ENPP3: variants seen among roughly 807,000 people sequenced by gnomAD.
ENPP3 encodes the protein ectonucleotide pyrophosphatase/phosphodiesterase 3, also known as ectonucleotide pyrophosphatase/phosphodiesterase family member 3.
A neutral mutation model predicts 117.8 loss-of-function variants in ENPP3; 104 were observed. The ratio of observed to expected loss-of-function variants is 0.88; its 90% CI spans 0.75 to 1.04. ENPP3 has a LOEUF of 1.04. Ranked by LOEUF, ENPP3 falls within the 50% of genes least tolerant of loss-of-function variation. ENPP3 has a pLI of 0.00. For missense variants in ENPP3, 1,026 were observed against 1,051.9 expected (o/e 0.98, Z 0.34); for synonymous variants, 380 against 349.9 (o/e 1.09, Z -0.96).
intron 16 of ENPP3, 93 bp from the exon 17 acceptor site, chr6:131,720,199 G>C: frequency 4.3e-6 from 3 of 695,090 alleles, no homozygotes; most frequent in Non-Finnish European, 4.9e-6. Flanking sequence ...ACAAATAGGA[G>C]AGTAGTTACA....
At position 131,676,819 on chromosome 6, in the gene ENPP3, A is replaced by G; in HGVS notation, c.938+18A>G. 1 of 1,568,630 alleles carries G rather than the reference A, an allele frequency of 6.4e-7. No homozygotes were observed. Among genetic ancestry groups the G allele is most frequent in the Admixed American group, 1.7e-5 (1 of 59,898 alleles). ...GCTGAAAGGTAATGTCTAGTGTCAG[A>G]AAAGTGCTGGCATAGTGGCATATAT... On this transcript the variant is annotated intron_variant, in intron 10 of 24. Transcript: ENST00000357639.
At chr6:131,648,838 A>G (rs1778203306) in intron 2 of ENPP3, among the ~76,000 whole-genome samples, 1 of 152,204 alleles carries the variant, frequency 6.6e-6, no homozygotes, top group African/African-American at 2.4e-5. Context: ...CTCCTCGCAC[A>G]ATAAGAACTA....
Position 131,722,256 on chromosome 6 carries a change from A to T in ENPP3, c.1597A>T (p.Asn533Tyr), listed in dbSNP as rs762182320. The part of the protein sequence containing the change: ...DLLRIQPAPN[N>Y]GTHGSLNHLL... Reference sequence around the variant, plus strand: ...TCTACGCATTCAACCAGCACCAAACAATGGAACCCATGGTAGTTTAAACCA... The same window carrying T: ...TCTACGCATTCAACCAGCACCAAACTATGGAACCCATGGTAGTTTAAACCA... The change falls in exon 18 of 25, where the codon AAT (asparagine) becomes TAT (tyrosine). Residue 533 changes from asparagine to tyrosine, a missense_variant. Physicochemically the swap from Asn to Tyr is moderately radical, Grantham distance 143. Transcript: ENST00000357639. 4.3e-5 allele frequency: 69 copies of T among 1,613,746 alleles called. No homozygotes were observed. Among genetic ancestry groups the T allele is most frequent in the Non-Finnish European group, 6.8e-6 (8 of 1,179,880 alleles).
intron 15 of ENPP3, among the ~76,000 whole-genome samples, chr6:131,694,841 C>CA (rs10535185): frequency 0.011 from 1,074 of 97,488 alleles, 8 homozygotes; most frequent in South Asian, 0.03. Flanking sequence ...TTGATTCCAT[C>CA]AAAAAAAAAA....
rs993770502 is a variant in ENPP3, at chr6:131,677,298, A to G, written c.938+497A>G. The stretch of plus-strand genomic sequence containing the variant: ...TTTTGTTTTCGAAAATGTGGTTGAC[A>G]TTATTGAACAACAGAGATAGAGCCA... On this transcript the variant is annotated intron_variant, in intron 10 of 24. Transcript: ENST00000357639. 2.0e-5 allele frequency among the ~76,000 whole-genome samples: 3 copies of G among 152,190 alleles called. No homozygotes were observed. In the South Asian group the frequency reaches 6.2e-4, roughly 31 times the overall value.
intron 18 of ENPP3, among the ~76,000 whole-genome samples, chr6:131,723,409 G>T (rs1315133253): frequency 6.6e-6 from 1 of 152,028 alleles, no homozygotes; most frequent in Non-Finnish European, 1.5e-5. Context: ...CAATCAAACT[G>T]CCATTAAAAA....
At chr6:131,737,919 G>T in intron 22 of ENPP3, 112 bp from the exon 23 acceptor site, 1 of 707,658 alleles carries the variant, frequency 1.4e-6, no homozygotes, top group African/African-American at 1.9e-5. Context: ...ATCATCACTG[G>T]CAATTATTAA....
chr6:131,729,468 C>G (rs879775611), intron 20 of ENPP3, among the ~76,000 whole-genome samples: 4 of 152,162 alleles, frequency 2.6e-5, no homozygotes, highest in Non-Finnish European at 4.4e-5. Context: ...AAGCAGCTCA[C>G]GTTCCTGTCT....
In ENPP3 at chr6:131,660,980, A is replaced by G. The variant is rs76512083; in HGVS notation, c.562+2560A>G. On this transcript the variant is annotated intron_variant, in intron 6 of 24. Coordinates refer to ENST00000357639, the MANE Select transcript of ENPP3 (RefSeq NM_005021.5). ...TAACCTCATATAAGTGGAATCATACAGTATTAGCGTGTCTGTGACTAGCTT... is the reference window on the plus strand; with the variant it reads ...TAACCTCATATAAGTGGAATCATACGGTATTAGCGTGTCTGTGACTAGCTT... 3.0e-3 allele frequency among the ~76,000 whole-genome samples: 464 copies of G among 152,352 alleles called. 3 individuals carry two copies. The highest frequency in any genetic ancestry group is 0.011 in the African/African-American group (451 of 41,576).
At chr6:131,672,878 A>C (rs1016224856) in intron 7 of ENPP3, among the ~76,000 whole-genome samples, 5 of 152,146 alleles carry the variant, frequency 3.3e-5, no homozygotes, top group Admixed American at 6.6e-5. Context: ...GATTGGATTA[A>C]ATAAATGATT....
At chr6:131,665,248 G>A (rs1162388040) in intron 6 of ENPP3, among the ~76,000 whole-genome samples, 5 of 152,054 alleles carry the variant, frequency 3.3e-5, no homozygotes, top group African/African-American at 4.8e-5. Flanking sequence ...TTATATTAGG[G>A]TAATGCTAGC....
intron 5 of ENPP3, among the ~76,000 whole-genome samples, chr6:131,654,606 C>G (rs1282095960): frequency 4.6e-5 from 7 of 152,084 alleles, no homozygotes; most frequent in Non-Finnish European, 1.0e-4. Context: ...CCATTCTCAG[C>G]TAATTCATTT....
intron 15 of ENPP3, among the ~76,000 whole-genome samples, chr6:131,715,355 G>A (rs1400260839): frequency 7.4e-6 from 1 of 135,716 alleles, no homozygotes; most frequent in Non-Finnish European, 1.5e-5. Flanking sequence ...ACATGGGCTG[G>A]CAGCCTGGGT....
At chr6:131,661,143 A>T (rs1335339803) in intron 6 of ENPP3, among the ~76,000 whole-genome samples, 1 of 152,316 alleles carries the variant, frequency 6.6e-6, no homozygotes, top group African/African-American at 2.4e-5. Flanking sequence ...AGAGAAATAG[A>T]TTGTTACCAC....
intron 13 of ENPP3, 72 bp from the exon 14 acceptor site, chr6:131,685,804 G>T: frequency 1.4e-6 from 1 of 701,412 alleles, no homozygotes; most frequent in South Asian, 1.5e-5. Context: ...AAATTCACCT[G>T]AGTGGTTCAC....
Position 131,638,808 on chromosome 6 carries a change from T to A in ENPP3, c.78+1346T>A, listed in dbSNP as rs942427942. Among the ~76,000 whole-genome samples the A allele has an allele frequency of 4.6e-5, 7 of 151,954 alleles. No homozygotes were observed. The East Asian group carries it at 9.7e-4, about 21-fold the overall frequency. On this transcript the variant is annotated intron_variant, in intron 1 of 24. Coordinates refer to ENST00000357639, the MANE Select transcript of ENPP3 (RefSeq NM_005021.5). Reference sequence around the variant, plus strand: ...AGCCTCTGTCACACAATTTCTTTTTTTTTTTAATTTTATTATTTTGGTAAT... The same window carrying A: ...AGCCTCTGTCACACAATTTCTTTTTATTTTTAATTTTATTATTTTGGTAAT...
rs71030755 is a variant in ENPP3 at position 131,732,710 on chromosome 6, C to CATTATTATT, written c.1954-844_1954-836dup. 4.9e-3 allele frequency among the ~76,000 whole-genome samples: 640 copies of CATTATTATT among 131,740 alleles called. 3 individuals are homozygous for CATTATTATT. The highest frequency in any genetic ancestry group is 8.0e-3 in the East Asian group (36 of 4,482). The allele number at this position is 131,740 out of a possible 152,430, so 86.4% of individuals were successfully genotyped here. A position where few individuals can be genotyped will look rare whatever the true frequency, so the allele number is the denominator to read the frequency against. On this transcript the variant is annotated intron_variant, in intron 20 of 24. Transcript: ENST00000357639. ...ATGAGCCACCAAGCCTGGCCTAAGA[C>CATTATTATT]ATTATTATTATTATTATTATTATTA... is the stretch of plus-strand genomic sequence containing the variant.
intron 7 of ENPP3, among the ~76,000 whole-genome samples, chr6:131,672,329 G>C (rs935607168): frequency 6.6e-5 from 10 of 152,028 alleles, no homozygotes; most frequent in African/African-American, 1.9e-4. Context: ...GATTTCACTG[G>C]TTAAAATTGT....
chr6:131,684,394 T>C (rs1779103331), intron 12 of ENPP3, among the ~76,000 whole-genome samples: 1 of 152,244 alleles, frequency 6.6e-6, no homozygotes, highest in South Asian at 2.1e-4. Context: ...ATAATTTATA[T>C]GCAAGCCAGG....
Sources: allele counts gnomAD v4.1 joint callset (sites outside exome capture counted in the v4.1 genomes callset), GRCh38; gene constraint gnomAD v4.1.1; transcripts MANE v1.5; gene names NCBI Gene and HGNC (gene_info 2026-07-23, HGNC 2026-07-21).